IL12RB2: variants seen among roughly 807,000 people sequenced by gnomAD.
The protein encoded by IL12RB2 is interleukin 12 receptor subunit beta 2, also known as interleukin-12 receptor subunit beta-2.
Under a neutral mutation model 89.4 loss-of-function variants are expected in IL12RB2, and 82 were observed. That is an observed-to-expected ratio of 0.92 (90% CI 0.77 to 1.10). The LOEUF is 1.10. IL12RB2 is among the 50% of genes least tolerant of loss of function. IL12RB2 has a pLI of 0.00. For missense variants in IL12RB2, 963 were observed against 1,031.9 expected (o/e 0.93, Z 0.92); for synonymous variants, 368 against 370.1 (o/e 0.99, Z 0.07).
Position 67,396,038 on chromosome 1 carries a change from T to C in IL12RB2, c.2538T>C (p.Asp846=), listed in dbSNP as rs1430333326. 1.2e-6 allele frequency: 2 copies of C among 1,605,982 alleles called. No homozygotes were observed. The change falls in exon 17 of 17, where the codon GAT becomes GAC. Residue 846 remains aspartate (D), a synonymous_variant. Coordinates refer to ENST00000674203, the MANE Select transcript of IL12RB2 (RefSeq NM_001374259.2). ...SLHPLTFSCG[D]KLTLDQLKMR... is the part of the protein sequence containing the mutation. ...ACCCACTCACCTTCTCCTGTGGTGA[T>C]AAGCTGACTCTGGATCAGTTAAAGA... is the stretch of plus-strand genomic sequence containing the variant.
chr1:67,341,964 GA>G, intron 9 of IL12RB2, among the ~76,000 whole-genome samples: 1 of 74,224 alleles, frequency 1.3e-5, no homozygotes, highest in East Asian at 5.0e-4. Flanking sequence ...TTCAAGAGGT[GA>G]TTTTCCAGTG....
intron 9 of IL12RB2, among the ~76,000 whole-genome samples, chr1:67,343,595 C>G (rs1569923679): frequency 6.6e-6 from 1 of 152,234 alleles, no homozygotes; most frequent in East Asian, 1.9e-4. Context: ...CTTCCTTTCT[C>G]TTCTCCTTCT....
At chr1:67,372,375 C>G (rs778142735) in intron 11 of IL12RB2, 61 bp from the exon 12 acceptor site, 178 of 880,202 alleles carry the variant, frequency 2.0e-4, no homozygotes, top group Non-Finnish European at 3.1e-4. Flanking sequence ...AATAAAATGG[C>G]TCCCTTTAGT....
intron 13 of IL12RB2, among the ~76,000 whole-genome samples, chr1:67,376,134 C>T (rs1396336491): frequency 6.6e-6 from 1 of 152,128 alleles, no homozygotes; most frequent in Non-Finnish European, 1.5e-5. Flanking sequence ...ACGTGAGCCA[C>T]CGCGCCTGGC....
At chr1:67,381,607 T>G (rs1664581000) in intron 14 of IL12RB2, among the ~76,000 whole-genome samples, 1 of 151,256 alleles carries the variant, frequency 6.6e-6, no homozygotes, top group Admixed American at 6.6e-5. Flanking sequence ...ACTAAAAAAA[T>G]ACAAAAAAAT....
chr1:67,383,078 T>C (rs1359354475), intron 14 of IL12RB2, among the ~76,000 whole-genome samples: 1 of 152,188 alleles, frequency 6.6e-6, no homozygotes, highest in Non-Finnish European at 1.5e-5. Flanking sequence ...AGAGGTTTAA[T>C]TGATTCACAG....
At chr1:67,340,752 A>G (rs2100761522) in intron 9 of IL12RB2, among the ~76,000 whole-genome samples, 1 of 152,364 alleles carries the variant, frequency 6.6e-6, no homozygotes, top group East Asian at 1.9e-4. Context: ...TGAAGTCAAA[A>G]TAAGTATGTG....
chr1:67,355,676 G>A (rs181252337), intron 10 of IL12RB2, among the ~76,000 whole-genome samples: 1 of 152,202 alleles, frequency 6.6e-6, no homozygotes, highest in African/African-American at 2.4e-5. Flanking sequence ...ACCCTTGGGT[G>A]AGCACTTTTT....
At chr1:67,381,887 G>A (rs963292526) in intron 14 of IL12RB2, among the ~76,000 whole-genome samples, 3 of 152,134 alleles carry the variant, frequency 2.0e-5, no homozygotes, top group Non-Finnish European at 2.9e-5. Context: ...TTGGGAGGCT[G>A]AGGCAAGAGA....
chr1:67,352,441 T>G (rs979650987), intron 10 of IL12RB2, among the ~76,000 whole-genome samples: 1 of 152,140 alleles, frequency 6.6e-6, no homozygotes, highest in Non-Finnish European at 1.5e-5. Flanking sequence ...CTGCCAAGGC[T>G]CTAGCTATTT....
chr1:67,379,175 C>T (rs746496611), intron 13 of IL12RB2, among the ~76,000 whole-genome samples: 10 of 150,388 alleles, frequency 6.6e-5, no homozygotes, highest in East Asian at 2.0e-4. Flanking sequence ...CTAGCCTGGG[C>T]GACAGAGCAA....
intron 15 of IL12RB2, among the ~76,000 whole-genome samples, chr1:67,388,343 A>G (rs1378444398): frequency 1.3e-5 from 2 of 152,074 alleles, no homozygotes; most frequent in East Asian, 3.9e-4. Context: ...AAACCACAAT[A>G]TTTTTGTTTT....
chr1:67,386,552 C>A, intron 14 of IL12RB2, 27 bp from the exon 15 acceptor site: 4 of 1,487,894 alleles, frequency 2.7e-6, no homozygotes, highest in South Asian at 1.1e-5. Flanking sequence ...ATAACTCACT[C>A]AGTCACAGGA....
At chr1:67,392,466 A>C (rs1002221172) in intron 16 of IL12RB2, among the ~76,000 whole-genome samples, 1 of 152,186 alleles carries the variant, frequency 6.6e-6, no homozygotes, top group African/African-American at 2.4e-5. Flanking sequence ...GGGCGATTTT[A>C]CACACACTCA....
intron 10 of IL12RB2, among the ~76,000 whole-genome samples, chr1:67,351,296 C>A (rs1046866970): frequency 1.3e-5 from 2 of 152,018 alleles, no homozygotes; most frequent in Non-Finnish European, 2.9e-5. Flanking sequence ...GCTTCAATGT[C>A]CTCCTCTCTA....
intron 8 of IL12RB2, among the ~76,000 whole-genome samples, chr1:67,332,218 ATTTTTT>A (rs34139483): frequency 7.4e-6 from 1 of 135,550 alleles, no homozygotes; most frequent in African/African-American, 2.7e-5. Flanking sequence ...TATTAATTGC[ATTTTTT>A]TTTTTTTTTG....
chr1:67,388,129 T>C (rs997681558), intron 15 of IL12RB2, among the ~76,000 whole-genome samples: 1 of 152,090 alleles, frequency 6.6e-6, no homozygotes, highest in African/African-American at 2.4e-5. Context: ...AAGTTGAGAT[T>C]GCGCCACTGC....
chr1:67,351,895 G>C (rs1475481553), intron 10 of IL12RB2, among the ~76,000 whole-genome samples: 4 of 152,090 alleles, frequency 2.6e-5, no homozygotes, highest in Admixed American at 2.6e-4. Context: ...TATTATAAAA[G>C]AATTCCATGT....
chr1:67,389,055 A>G (rs1665529244), intron 15 of IL12RB2, among the ~76,000 whole-genome samples: 1 of 152,212 alleles, frequency 6.6e-6, no homozygotes, highest in Non-Finnish European at 1.5e-5. Flanking sequence ...CTTAAAAAAA[A>G]AAAGAGGACC....
Sources: gnomAD v4.1 joint callset for allele counts (sites outside exome capture counted in the v4.1 genomes callset) on GRCh38, gnomAD v4.1.1 for gene constraint, MANE v1.5 for transcripts, NCBI Gene and HGNC (gene_info 2026-07-23, HGNC 2026-07-21) for gene names.